Variants in BCL9L observed in about 807,000 individuals in gnomAD.
The protein encoded by BCL9L is B-cell CLL/lymphoma 9-like protein.
In BCL9L, 19 loss-of-function variants were observed where a neutral mutation model predicts 99.4. The ratio of observed to expected loss-of-function variants is 0.19; its 90% CI spans 0.13 to 0.28. BCL9L has a LOEUF of 0.28. Ranked by LOEUF, BCL9L falls within the 10% of genes least tolerant of loss-of-function variation. The pLI is 1.00. For synonymous variants in BCL9L, 900 were observed against 854.8 expected (o/e 1.05, Z -0.92); for missense variants, 2,023 against 2,101.6 (o/e 0.96, Z 0.73).
rs200598369 is a variant in BCL9L, at chr11:118,899,923, C to G, written c.3400G>C (p.Gly1134Arg). 7.4e-6 allele frequency: 12 copies of G among 1,612,268 alleles called. No individual in the cohort carries two copies. The highest frequency in any genetic ancestry group is 9.3e-6 in the Non-Finnish European group (11 of 1,179,512). The change falls in exon 9 of 10, where the codon GGG (glycine) becomes CGG (arginine). Residue 1134 changes from glycine to arginine, a missense_variant. Transcript: ENST00000683865. ...CCCTGGCCTGTCCTCGCACCTGGCC[C>G]GGAGCCCTGCGGTGGTGGTGGGGGG... ...LPPPPPPQGS[G>R]PGISNSQPSQ...
rs1176393733 is a variant in BCL9L at position 118,901,153 on chromosome 11, C to T, written c.2590G>A (p.Gly864Ser). The T allele has an allele frequency of 1.2e-6, 2 of 1,613,912 alleles. No individual in the cohort carries two copies. The highest frequency in any genetic ancestry group is 3.3e-5 in the Admixed American group (2 of 60,018). The change falls in exon 8 of 10, where the codon GGC (glycine) becomes AGC (serine). Residue 864 changes from glycine to serine, a missense_variant. By Grantham distance (56) the Gly-to-Ser change is moderately conservative. Transcript: ENST00000683865. This position sits in a 1 kb window ranked among gnomAD's most constrained non-coding sequence, Gnocchi z 6.6. The part of the protein sequence containing the change: ...GPYQAMSQDM[G>S]NTQDMFSPDQ... Reference sequence around the variant, plus strand: ...GGGCTGAACATGTCTTGGGTATTGCCCATGTCCTGGGACATGGCTTGGTAG... The same window carrying T: ...GGGCTGAACATGTCTTGGGTATTGCTCATGTCCTGGGACATGGCTTGGTAG...
intron 4 of BCL9L, 136 bp downstream of exon 4, chr11:118,908,134 G>A (rs886432735): frequency 1.6e-6 from 2 of 1,265,954 alleles, no homozygotes; most frequent in Non-Finnish European, 2.1e-6. Context: ...GTGTTGAAAG[G>A]TACCCATGCA....
At position 118,901,547 on chromosome 11, in the gene BCL9L, G is replaced by A; in HGVS notation, c.2196C>T (p.Gly732=). 1 of 1,614,070 alleles carries A rather than the reference G, an allele frequency of 6.2e-7. No homozygotes were observed. Among genetic ancestry groups the A allele is most frequent in the East Asian group, 2.2e-5 (1 of 44,878 alleles). The change falls in exon 8 of 10, where the codon GGC becomes GGT. Residue 732 remains glycine (G), a synonymous_variant. Coordinates refer to ENST00000683865, the MANE Select transcript of BCL9L (RefSeq NM_001378213.1). The surrounding 1 kb of genome is among the most constrained non-coding windows in gnomAD (Gnocchi z 6.6). ...MFPGQMAGGE[G]LAGTPMGMEF... ...CCATGCCCATGGGAGTGCCCGCCAG[G>A]CCCTCACCACCAGCCATCTGCCCGG...
At chr11:118,910,415 G>A (rs1940730707) in intron 2 of BCL9L, 1 of 163,568 alleles carries the variant, frequency 6.1e-6, no homozygotes, top group South Asian at 1.6e-4. Flanking sequence ...CAGCCGTGGA[G>A]GGGGCCCGGG....
chr11:118,916,127 G>A (rs1424243929), intron 2 of BCL9L, among the ~76,000 whole-genome samples: 2 of 152,182 alleles, frequency 1.3e-5, no homozygotes, highest in Non-Finnish European at 1.5e-5. Context: ...AGCAAGGCAT[G>A]GCCCAGGCAG....
Position 118,901,337 on chromosome 11 carries a change from G to A in BCL9L, c.2406C>T (p.Gly802=), listed in dbSNP as rs748441645. ...CCTGGGGCCCCATCAAGTCCCCAGG[G>A]CCCCGCATCTTCTGCGACATCAGCA... ...QQMLMSQKMR[G]PGDLMGPQGL... The change falls in exon 8 of 10, where the codon GGC becomes GGT. Residue 802 remains glycine, a synonymous_variant. Transcript: ENST00000683865. The surrounding 1 kb of genome is among the most constrained non-coding windows in gnomAD (Gnocchi z 6.6). 9 of 1,613,588 alleles carry A rather than the reference G, an allele frequency of 5.6e-6. No homozygotes were observed. The highest frequency in any genetic ancestry group is 6.8e-6 in the Non-Finnish European group (8 of 1,179,940).
chr11:118,900,541 C>G lies in BCL9L; in HGVS notation c.3124+78G>C. The stretch of plus-strand genomic sequence containing the variant: ...CGTGGTACACAGGCCCTTACTCACT[C>G]ACTGCCCAGCCCCAGCATGGACACA... On this transcript the variant is annotated intron_variant, in intron 8 of 9. Coordinates refer to ENST00000683865, the MANE Select transcript of BCL9L (RefSeq NM_001378213.1). This position sits in a 1 kb window ranked among gnomAD's most constrained non-coding sequence, Gnocchi z 5.3. 2 of 1,521,944 alleles carry G rather than the reference C, an allele frequency of 1.3e-6. No homozygotes were observed. Among genetic ancestry groups the G allele is most frequent in the Non-Finnish European group, 1.8e-6 (2 of 1,139,970 alleles). 94.3% of individuals were successfully genotyped at this position (1,521,944 alleles called of 1,614,324 possible).
At position 118,908,257 on chromosome 11, in the gene BCL9L, G is replaced by C. The variant is rs375442722; in HGVS notation, c.412+13C>G. ...GGAGATGCTAGGGTCTTAGGGATGA[G>C]GAAATGGGGTACCTTTGGCCTCTGA... On this transcript the variant is annotated intron_variant, in intron 4 of 9. Coordinates refer to ENST00000683865, the MANE Select transcript of BCL9L (RefSeq NM_001378213.1). 6.5e-7 allele frequency: 1 copy of C among 1,535,308 alleles called. No homozygotes were observed. Among genetic ancestry groups the C allele is most frequent in the African/African-American group, 1.4e-5 (1 of 72,384 alleles).
In BCL9L at chr11:118,897,553, A is replaced by G. The variant is rs1020773330; in HGVS notation, c.*862T>C. The stretch of plus-strand genomic sequence containing the variant: ...GGTCTCAGCCCTGCTAGGGCTCACC[A>G]GGTGGAAGCCTAGGTGGTCTGACCT... On this transcript the variant is annotated 3_prime_UTR_variant, in exon 10 of 10. Transcript: ENST00000683865. 3 of 349,788 alleles carry G rather than the reference A, an allele frequency of 8.6e-6. No homozygotes were observed. The highest frequency in any genetic ancestry group is 6.5e-5 in the African/African-American group (3 of 46,306). 21.7% of individuals were successfully genotyped at this position (349,788 alleles called of 1,614,324 possible).
chr11:118,902,440 G>A lies in BCL9L; in HGVS notation c.1303C>T (p.Pro435Ser). ...GETEPFLKGPPGGAGEGGPPA... is the reference protein window; with the variant it reads ...GETEPFLKGPSGGAGEGGPPA... ...GGGCCCCCCTCACCCGCTCCTCCTG[G>A]GGGCCCCTTGAGGAAGGGCTCAGTC... The change falls in exon 8 of 10, where the codon CCA (proline) becomes TCA (serine). Residue 435 changes from proline (P) to serine (S), a missense_variant. This residue lies in a region of BCL9L where 1,116 missense variants were observed against 1,194.6 expected (regional missense o/e 0.93). Transcript: ENST00000683865. The surrounding 1 kb of genome is among the most constrained non-coding windows in gnomAD (Gnocchi z 7.8). 1 of 1,596,860 alleles carries A rather than the reference G, an allele frequency of 6.3e-7. No homozygotes were observed. Among genetic ancestry groups the A allele is most frequent in the Non-Finnish European group, 8.5e-7 (1 of 1,172,038 alleles).
intron 2 of BCL9L, among the ~76,000 whole-genome samples, chr11:118,918,312 C>T (rs1332780078): frequency 3.3e-5 from 5 of 150,754 alleles, no homozygotes; most frequent in Admixed American, 6.6e-5. Flanking sequence ...TGTGTGTACA[C>T]GCACGCATGT....
chr11:118,908,159 G>T (rs966238045), intron 4 of BCL9L, 111 bp downstream of exon 4: 2 of 1,407,810 alleles, frequency 1.4e-6, no homozygotes, highest in African/African-American at 1.4e-5. Context: ...TACTGGAGAA[G>T]AACGTGGGAT....
chr11:118,903,193 G>C lies in BCL9L; in HGVS notation c.749+43C>G. 3 of 1,574,862 alleles carry C rather than the reference G, an allele frequency of 1.9e-6. No homozygotes were observed. Among genetic ancestry groups the C allele is most frequent in the South Asian group, 2.3e-5 (2 of 86,350 alleles). ...CGGAACCCCAGGCTGAGAGGTGCTG[G>C]GCAGAGAGAGAGAGAGACTTGGCCT... On this transcript the variant is annotated intron_variant, in intron 6 of 9. Transcript: ENST00000683865. The surrounding 1 kb of genome is among the most constrained non-coding windows in gnomAD (Gnocchi z 5.6).
In BCL9L at chr11:118,908,322, G is replaced by A. The variant is rs1210217110; in HGVS notation, c.360C>T (p.Asp120=). The change falls in exon 4 of 10, where the codon GAC becomes GAT. Residue 120 remains aspartate, a synonymous_variant. Coordinates refer to ENST00000683865, the MANE Select transcript of BCL9L (RefSeq NM_001378213.1). ...TCCCAGCCTCTCGCTGCTCTCCAGAGTCCACAGACACACTCCGGTCCCTCT... is the reference window on the plus strand; with the variant it reads ...TCCCAGCCTCTCGCTGCTCTCCAGAATCCACAGACACACTCCGGTCCCTCT... ...KVKRDRSVSV[D]SGEQREAGTP... is the part of the protein sequence containing the mutation. 1.3e-6 allele frequency: 2 copies of A among 1,599,678 alleles called. No individual in the cohort carries two copies. The highest frequency in any genetic ancestry group is 1.7e-6 in the Non-Finnish European group (2 of 1,171,216).
intron 3 of BCL9L, among the ~76,000 whole-genome samples, chr11:118,909,264 G>A (rs953561423): frequency 2.6e-5 from 4 of 152,102 alleles, no homozygotes; most frequent in African/African-American, 9.7e-5. Flanking sequence ...GAAAGGGGGA[G>A]GGGAGCGGTG....
intron 5 of BCL9L, among the ~76,000 whole-genome samples, chr11:118,905,681 G>A (rs1305358175): frequency 6.6e-6 from 1 of 151,690 alleles, no homozygotes; most frequent in Non-Finnish European, 1.5e-5. Flanking sequence ...GCCAGGCGTG[G>A]TGGCAGGTGC....
Position 118,897,997 on chromosome 11 carries a change from C to A in BCL9L, c.*418G>T, listed in dbSNP as rs1052250719. On this transcript the variant is annotated 3_prime_UTR_variant, in exon 10 of 10. Transcript: ENST00000683865. The stretch of plus-strand genomic sequence containing the variant: ...AGAGGGAGGTGGAGCTCCAGCAATG[C>A]GGACACGAGGAGACAGGAGCAGAAG... The A allele has an allele frequency of 3.6e-5, 15 of 415,190 alleles. No homozygotes were observed. Among genetic ancestry groups the A allele is most frequent in the Admixed American group, 2.4e-4 (8 of 33,044 alleles). 25.7% of individuals were successfully genotyped at this position (415,190 alleles called of 1,614,324 possible).
At position 118,902,807 on chromosome 11, in the gene BCL9L, C is replaced by T. The variant is rs749934588; in HGVS notation, c.936G>A (p.Pro312=). ...QPPPLPPPPP[P]APGSAPPALP... ...GAGCAGGCGGGGCACTGCCAGGGGC[C>T]GGGGGTGGCGGCGGCGGCAGTGGAG... Residue 312 remains proline (P), a synonymous_variant, in exon 8 of 10, where the codon CCG becomes CCA. Coordinates refer to ENST00000683865, the MANE Select transcript of BCL9L (RefSeq NM_001378213.1). The surrounding 1 kb of genome is among the most constrained non-coding windows in gnomAD (Gnocchi z 7.8). The T allele has an allele frequency of 2.3e-5, 36 of 1,553,294 alleles. No individual in the cohort carries two copies. Among genetic ancestry groups the T allele is most frequent in the Middle Eastern group, 1.7e-4 (1 of 5,836 alleles).
rs1394313347 is a variant in BCL9L at position 118,898,246 on chromosome 11, C to G, written c.*169G>C. 2 of 1,001,136 alleles carry G rather than the reference C, an allele frequency of 2.0e-6. No homozygotes were observed. Among genetic ancestry groups the G allele is most frequent in the African/African-American group, 1.6e-5 (1 of 60,920 alleles). 62.0% of individuals were successfully genotyped at this position (1,001,136 alleles called of 1,614,324 possible). Reference sequence around the variant, plus strand: ...CCCCACCCCACACTGCCACTTCCCCCTAAGCTGCCAGCACATCTGGTTTCC... The same window carrying G: ...CCCCACCCCACACTGCCACTTCCCCGTAAGCTGCCAGCACATCTGGTTTCC... On this transcript the variant is annotated 3_prime_UTR_variant, in exon 10 of 10. Transcript: ENST00000683865.
Sources: gnomAD v4.1 joint callset for allele counts (sites outside exome capture counted in the v4.1 genomes callset) on GRCh38, gnomAD v4.1.1 for gene constraint, gnomAD v4.1.1 regional missense constraint, Gnocchi (gnomAD v3.1) non-coding constraint, MANE v1.5 for transcripts, NCBI Gene and HGNC (gene_info 2026-07-23, HGNC 2026-07-21) for gene names.